RBFOX1: variants seen among roughly 807,000 people sequenced by gnomAD.
RBFOX1 encodes RNA binding protein fox-1 homolog 1.
Under a neutral mutation model 57.7 loss-of-function variants are expected in RBFOX1, and 8 were observed. The ratio of observed to expected loss-of-function variants is 0.14; its 90% CI spans 0.08 to 0.25. The LOEUF (loss-of-function observed/expected upper bound fraction) is 0.25, where lower values mean the gene tolerates loss of function less well. RBFOX1 is among the 10% of genes least tolerant of loss of function. RBFOX1 has a pLI of 1.00. For synonymous variants in RBFOX1, 326 were observed against 222.4 expected (o/e 1.47, Z -4.15); for missense variants, 611 against 548.5 (o/e 1.11, Z -1.14).
intron 4 of RBFOX1, among the ~76,000 whole-genome samples, chr16:7,217,014 T>A (rs1414028210): frequency 8.6e-5 from 1 of 11,676 alleles, no homozygotes; most frequent in African/African-American, 2.7e-4. Context: ...CTCCCTTCCC[T>A]CCCTCCCTCC....
At chr16:5,945,923 A>T (rs1423994810) in intron 4 of RBFOX1, among the ~76,000 whole-genome samples, 1 of 152,186 alleles carries the variant, frequency 6.6e-6, no homozygotes, top group Non-Finnish European at 1.5e-5. Context: ...GCCATGGGCG[A>T]GAGAGGGATT....
At chr16:5,817,835 C>A (rs965284000) in intron 3 of RBFOX1, among the ~76,000 whole-genome samples, 1 of 151,946 alleles carries the variant, frequency 6.6e-6, no homozygotes, top group Non-Finnish European at 1.5e-5. Context: ...GGACTACAGG[C>A]ACCCACCACC....
chr16:7,202,869 T>C (rs1016761159), intron 4 of RBFOX1, among the ~76,000 whole-genome samples: 2 of 152,224 alleles, frequency 1.3e-5, no homozygotes, highest in African/African-American at 2.4e-5. Context: ...GGTTGGGGTC[T>C]GCTGAAGTAC....
intron 4 of RBFOX1, among the ~76,000 whole-genome samples, chr16:7,448,479 TAATA>T (rs2098825658): frequency 6.6e-6 from 1 of 152,228 alleles, no homozygotes; most frequent in African/African-American, 2.4e-5. Flanking sequence ...CAGCTTCCCT[TAATA>T]AAACCATCAG....
At chr16:6,498,270 AG>A (rs57632782) in intron 2 of RBFOX1, among the ~76,000 whole-genome samples, 3 of 151,416 alleles carry the variant, frequency 2.0e-5, no homozygotes, top group Non-Finnish European at 4.4e-5. Context: ...AAAAAAAAAA[AG>A]GATGACAATT....
At chr16:5,323,083 G>T (rs926079659) in intron 1 of RBFOX1, among the ~76,000 whole-genome samples, 22 of 152,202 alleles carry the variant, frequency 1.4e-4, no homozygotes, top group African/African-American at 4.8e-4. Context: ...CCTGCAAAAT[G>T]CAATGGGAAC....
chr16:6,909,322 G>C (rs76768002), intron 3 of RBFOX1, among the ~76,000 whole-genome samples: 4,480 of 152,132 alleles, frequency 0.029, 172 homozygotes, highest in East Asian at 0.12. Flanking sequence ...CTCCTTCTCT[G>C]GTCTTCCTCT....
At chr16:6,837,014 C>T (rs1276589795) in intron 3 of RBFOX1, among the ~76,000 whole-genome samples, 1 of 152,060 alleles carries the variant, frequency 6.6e-6, no homozygotes, top group Admixed American at 6.5e-5. Flanking sequence ...CGGATGAACA[C>T]ACCTATTTAC....
intron 4 of RBFOX1, among the ~76,000 whole-genome samples, chr16:7,510,519 GCGCA>G (rs1354776007): frequency 2.2e-3 from 299 of 138,712 alleles, no homozygotes; most frequent in African/African-American, 6.8e-3. Context: ...GTGGGCGCGC[GCGCA>G]CGCGCGCACG....
chr16:5,626,102 G>A lies in RBFOX1; in HGVS notation c.318+27141G>A, dbSNP rs558858064. Among the ~76,000 whole-genome samples, 262 of 152,038 alleles carry A rather than the reference G, an allele frequency of 1.7e-3. 1 individual carries two copies. Among genetic ancestry groups the A allele is most frequent in the African/African-American group, 5.2e-3 (214 of 41,476 alleles). On this transcript the variant is annotated intron_variant, in intron 3 of 19. Coordinates refer to the RBFOX1 transcript ENST00000641259. ...TCCATGTTGGTCAGGCTGGTCTCGA[G>A]CTCCTGACCTCGGGTGATCTGCCCG...
At chr16:7,655,052 A>G (rs1167004293) in intron 12 of RBFOX1, among the ~76,000 whole-genome samples, 1 of 152,200 alleles carries the variant, frequency 6.6e-6, no homozygotes, top group South Asian at 2.1e-4. Context: ...GACTGTGTGA[A>G]AAGGGTTAAA....
In RBFOX1 at chr16:6,243,764, G is replaced by A. The variant is rs573677803; in HGVS notation, c.-126-73231G>A. On this transcript the variant is annotated intron_variant, in intron 1 of 15. Transcript: ENST00000550418. ...AATTGCTGGGGGCCCTAGCACCTTG[G>A]TTTGGTTGGTAGGAGTTGTGATGGT... 5.3e-5 allele frequency among the ~76,000 whole-genome samples: 8 copies of A among 152,290 alleles called. No individual in the cohort carries two copies. In the South Asian group the frequency reaches 1.7e-3, roughly 32 times the overall value.
intron 4 of RBFOX1, among the ~76,000 whole-genome samples, chr16:7,254,771 A>G (rs765299067): frequency 3.0e-4 from 46 of 152,288 alleles, no homozygotes; most frequent in Admixed American, 1.6e-3. Flanking sequence ...ATTATTGCTC[A>G]TACCTAGAAG....
chr16:6,868,117 T>C (rs569865827), intron 3 of RBFOX1, among the ~76,000 whole-genome samples: 64 of 152,366 alleles, frequency 4.2e-4, no homozygotes, highest in African/African-American at 1.4e-3. Flanking sequence ...AAGTACCTGA[T>C]AAATAGTAAA....
intron 4 of RBFOX1, among the ~76,000 whole-genome samples, chr16:7,453,192 C>G (rs1460688440): frequency 2.6e-5 from 4 of 151,080 alleles, no homozygotes; most frequent in Admixed American, 2.0e-4. Context: ...GCCAGGATGG[C>G]TTCCTGAAGG....
At chr16:7,003,950 T>TA (rs76882849) in intron 3 of RBFOX1, 8 of 150,740 alleles carry the variant, frequency 5.3e-5, no homozygotes, top group Non-Finnish European at 8.8e-5. Flanking sequence ...TGCTTTCTTT[T>TA]AAAAAAACAT....
At chr16:7,419,501 C>T (rs565377752) in intron 4 of RBFOX1, among the ~76,000 whole-genome samples, 10 of 152,328 alleles carry the variant, frequency 6.6e-5, no homozygotes, top group South Asian at 2.1e-4. Context: ...AGGCCCACCA[C>T]GGCTTTTGTT....
intron 4 of RBFOX1, among the ~76,000 whole-genome samples, chr16:7,105,491 C>T (rs1338324433): frequency 6.6e-6 from 1 of 152,066 alleles, no homozygotes. Context: ...TCCACCCTTT[C>T]CCCTGAGTCC....
intron 4 of RBFOX1, among the ~76,000 whole-genome samples, chr16:7,515,080 C>A (rs1479177071): frequency 6.6e-6 from 1 of 152,086 alleles, no homozygotes; most frequent in African/African-American, 2.4e-5. Context: ...GATCTTTGAG[C>A]AGAAGCTGCC....
Sources: gnomAD v4.1 joint callset for allele counts (sites outside exome capture counted in the v4.1 genomes callset) on GRCh38, gnomAD v4.1.1 for gene constraint, MANE v1.5 for transcripts, NCBI Gene and HGNC (gene_info 2026-07-23, HGNC 2026-07-21) for gene names.